Variants in INTU observed in about 807,000 individuals in gnomAD.
INTU encodes the protein inturned planar cell polarity protein.
A neutral mutation model predicts 100.5 loss-of-function variants in INTU; 68 were observed. The ratio of observed to expected loss-of-function variants is 0.68; its 90% CI spans 0.56 to 0.83. INTU has a LOEUF of 0.83. INTU is among the 40% of genes least tolerant of loss of function. The pLI is 0.00. For synonymous variants in INTU, 357 were observed against 395.7 expected (o/e 0.90, Z 1.16); for missense variants, 1,071 against 1,114.7 (o/e 0.96, Z 0.56).
At chr4:127,711,411 T>C (rs1578639495) in intron 14 of INTU, among the ~76,000 whole-genome samples, 1 of 152,288 alleles carries the variant, frequency 6.6e-6, no homozygotes, top group African/African-American at 2.4e-5. Context: ...CAACCATTAC[T>C]TGAGTAATAA....
At chr4:127,663,755 G>T (rs1345762056) in intron 4 of INTU, among the ~76,000 whole-genome samples, 171 bp downstream of exon 4, 1 of 151,978 alleles carries the variant, frequency 6.6e-6, no homozygotes, top group Admixed American at 6.6e-5. Flanking sequence ...CTCTATTATA[G>T]ATATGAATAT....
intron 3 of INTU, 58 bp from the exon 4 acceptor site, chr4:127,663,323 A>G: frequency 7.7e-7 from 1 of 1,295,310 alleles, no homozygotes; most frequent in Non-Finnish European, 1.1e-6. Context: ...CTTCATTGTG[A>G]AAACTGCAGC....
At chr4:127,661,617 C>T (rs1340430863) in intron 3 of INTU, among the ~76,000 whole-genome samples, 1 of 152,120 alleles carries the variant, frequency 6.6e-6, no homozygotes, top group Non-Finnish European at 1.5e-5. Context: ...ACTCAGAGCT[C>T]CTTCCTAAAG....
At chr4:127,707,683 A>G (rs1578635211) in intron 12 of INTU, among the ~76,000 whole-genome samples, 1 of 152,078 alleles carries the variant, frequency 6.6e-6, no homozygotes, top group East Asian at 1.9e-4. Flanking sequence ...GTATTATCCT[A>G]TTTTTATAGA....
At chr4:127,688,771 C>G (rs79270019) in intron 8 of INTU, among the ~76,000 whole-genome samples, 2 of 151,938 alleles carry the variant, frequency 1.3e-5, no homozygotes, top group Admixed American at 6.6e-5. Context: ...GAATTGTGCC[C>G]GGCACATTGT....
intron 3 of INTU, among the ~76,000 whole-genome samples, chr4:127,657,440 T>G (rs983178941): frequency 6.6e-6 from 1 of 152,086 alleles, no homozygotes; most frequent in Non-Finnish European, 1.5e-5. Flanking sequence ...ATGCTTTATG[T>G]GGGTTAGAGC....
At chr4:127,699,943 C>A (rs1023278331) in intron 8 of INTU, 67 bp from the exon 9 acceptor site, 3 of 1,155,834 alleles carry the variant, frequency 2.6e-6, no homozygotes, top group East Asian at 5.1e-5. Context: ...TTTTATATGG[C>A]CATTACTAAA....
intron 1 of INTU, among the ~76,000 whole-genome samples, chr4:127,641,029 C>A (rs977791895): frequency 2.6e-4 from 39 of 151,854 alleles, no homozygotes; most frequent in Non-Finnish European, 5.2e-4. Flanking sequence ...CTCTCTCTCT[C>A]CCCACCTAAT....
chr4:127,640,590 TAC>T (rs1178126478), intron 1 of INTU, among the ~76,000 whole-genome samples: 809 of 23,732 alleles, frequency 0.034, 96 homozygotes, highest in African/African-American at 0.062. Flanking sequence ...TATATATATA[TAC>T]ATATACATAA....
At chr4:127,651,808 G>A (rs1466480936) in intron 2 of INTU, among the ~76,000 whole-genome samples, 2 of 151,240 alleles carry the variant, frequency 1.3e-5, no homozygotes, top group Admixed American at 6.6e-5. Flanking sequence ...ATTACCTTGG[G>A]CAGTATGGCC....
chr4:127,647,322 A>T (rs980786560), intron 2 of INTU, among the ~76,000 whole-genome samples: 1 of 152,212 alleles, frequency 6.6e-6, no homozygotes, highest in African/African-American at 2.4e-5. Context: ...CCACAGGGCT[A>T]CATTCCTTTT....
chr4:127,650,392 G>A (rs1171819029), intron 2 of INTU, among the ~76,000 whole-genome samples: 1 of 110,682 alleles, frequency 9.0e-6, no homozygotes, highest in Non-Finnish European at 1.7e-5. Context: ...CCCCACCACA[G>A]TCCCCAGAGT....
At chr4:127,700,161 TTGAAA>T (rs1296545216) in intron 9 of INTU, 98 bp downstream of exon 9, 7 of 996,858 alleles carry the variant, frequency 7.0e-6, no homozygotes, top group Admixed American at 4.6e-5. Flanking sequence ...TATAATAATC[TTGAAA>T]TACACATTAG....
intron 7 of INTU, among the ~76,000 whole-genome samples, chr4:127,684,791 CT>C (rs111948363): frequency 9.0e-4 from 132 of 145,994 alleles, no homozygotes; most frequent in Non-Finnish European, 1.6e-3. Context: ...GATTCATTTC[CT>C]TTTTTTTTTC....
rs931123052 is a variant in INTU at position 127,702,751 on chromosome 4, A to T, written c.1504-1477A>T. On this transcript the variant is annotated intron_variant, in intron 9 of 15. Transcript: ENST00000335251. ...TTTTTAAAAAATATTATTAAGGTAT[A>T]ATTTATGTTCAGTAAATTCTTCTGT... Among the ~76,000 whole-genome samples the T allele has an allele frequency of 9.2e-5, 14 of 152,238 alleles. 1 individual carries two copies. The highest frequency in any genetic ancestry group is 7.9e-4 in the Admixed American group (12 of 15,282).
intron 12 of INTU, among the ~76,000 whole-genome samples, chr4:127,708,190 A>G (rs1043464885): frequency 6.6e-6 from 1 of 152,226 alleles, no homozygotes; most frequent in Non-Finnish European, 1.5e-5. Context: ...AGATTCAGCC[A>G]TTCAACAAAG....
chr4:127,704,161 T>C (rs1208461779), intron 9 of INTU, 67 bp from the exon 10 acceptor site: 3 of 1,310,960 alleles, frequency 2.3e-6, no homozygotes, highest in Non-Finnish European at 2.2e-6. Flanking sequence ...TTAACTATTA[T>C]AGCTTAATTG....
At chr4:127,659,460 A>G (rs1400333375) in intron 3 of INTU, among the ~76,000 whole-genome samples, 2 of 152,324 alleles carry the variant, frequency 1.3e-5, no homozygotes, top group Non-Finnish European at 1.5e-5. Flanking sequence ...CTCTTCTTAC[A>G]ACTTTTCTGT....
chr4:127,706,193 A>G (rs1335889451), intron 11 of INTU, among the ~76,000 whole-genome samples: 1 of 152,218 alleles, frequency 6.6e-6, no homozygotes, highest in African/African-American at 2.4e-5. Context: ...GCAATTGTAG[A>G]TGAAAGGACT....
Sources: gnomAD v4.1 joint callset for allele counts (sites outside exome capture counted in the v4.1 genomes callset) on GRCh38, gnomAD v4.1.1 for gene constraint, MANE v1.5 for transcripts, NCBI Gene and HGNC (gene_info 2026-07-23, HGNC 2026-07-21) for gene names.